CACNA1B: variants seen among roughly 807,000 people sequenced by gnomAD.
CACNA1B encodes voltage-dependent N-type calcium channel subunit alpha-1B.
Under a neutral mutation model 247.2 loss-of-function variants are expected in CACNA1B, and 70 were observed. The ratio of observed to expected loss-of-function variants is 0.28; its 90% confidence interval spans 0.23 to 0.35. The LOEUF is 0.35. Among genes scored for constraint, CACNA1B ranks in the 10% least tolerant of loss-of-function variants. The pLI is 1.00. For synonymous variants in CACNA1B, 1,231 were observed against 1,294.4 expected (o/e 0.95, Z 1.05); for missense variants, 2,367 against 3,197.4 (o/e 0.74, Z 6.26).
intron 36 of CACNA1B, among the ~76,000 whole-genome samples, chr9:138,079,814 G>A (rs1171371876): frequency 6.7e-6 from 1 of 149,372 alleles, no homozygotes; most frequent in East Asian, 2.0e-4. Flanking sequence ...GGTGGAGGTT[G>A]CAGTGAGCCA....
intron 39 of CACNA1B, among the ~76,000 whole-genome samples, chr9:138,111,616 G>A (rs1470433876): frequency 1.3e-5 from 2 of 152,248 alleles, no homozygotes; most frequent in East Asian, 1.9e-4. Context: ...ATGAAAAAGG[G>A]TGACTCTCAC....
chr9:138,122,031 A>AT lies in CACNA1B; in HGVS notation c.*32_*33insT. On this transcript the variant is annotated 3_prime_UTR_variant, in exon 47 of 47. Coordinates refer to ENST00000371372, the MANE Select transcript of CACNA1B (RefSeq NM_000718.4). ...CGTGACCGCTCAGACGCCTGCATGC[A>AT]GCAGGCGTGTGTTCCAGTGGATGAG... The AT allele has an allele frequency of 6.4e-7, 1 of 1,555,898 alleles. No homozygotes were observed. Among genetic ancestry groups the AT allele is most frequent in the Non-Finnish European group, 8.7e-7 (1 of 1,152,112 alleles).
chr9:138,050,190 C>A lies in CACNA1B; in HGVS notation c.3710+875C>A. ...GCCTCACCCCCCGCCCATCCACTTT[C>A]ACCCCATCGGGGCTGCATGCTGCCG... On this transcript the variant is annotated intron_variant, in intron 24 of 46. Coordinates refer to ENST00000371372, the MANE Select transcript of CACNA1B (RefSeq NM_000718.4). This position sits in a 1 kb window ranked among gnomAD's most constrained non-coding sequence, Gnocchi z 5.2. The A allele has an allele frequency of 1.2e-6, 1 of 866,578 alleles. No individual in the cohort carries two copies. The highest frequency in any genetic ancestry group is 1.7e-6 in the Non-Finnish European group (1 of 603,926). 53.7% of individuals were successfully genotyped at this position (866,578 alleles called of 1,614,324 possible).
rs190546993 is a variant in CACNA1B at position 138,070,273 on chromosome 9, A to G, written c.4674+510A>G. Among the ~76,000 whole-genome samples, 691 of 152,108 alleles carry G rather than the reference A, an allele frequency of 4.5e-3. 5 individuals are homozygous for G. Among genetic ancestry groups the G allele is most frequent in the African/African-American group, 0.015 (633 of 41,506 alleles). Reference sequence around the variant, plus strand: ...CCTTCCTGGACTGACCGTGCCTTGGAGTGGGCAGGGTCAGGCCTGGGGTTC... The same window carrying G: ...CCTTCCTGGACTGACCGTGCCTTGGGGTGGGCAGGGTCAGGCCTGGGGTTC... On this transcript the variant is annotated intron_variant, in intron 32 of 46. Transcript: ENST00000371372.
intron 6 of CACNA1B, among the ~76,000 whole-genome samples, chr9:137,947,593 G>T (rs891445974): frequency 1.3e-5 from 2 of 151,794 alleles, no homozygotes; most frequent in Non-Finnish European, 2.9e-5. Context: ...TCTGTTTAGA[G>T]ACCTTTCATT....
chr9:138,020,263 C>T lies in CACNA1B; in HGVS notation c.2268-2748C>T, dbSNP rs1000711354. ...AAGTCCTGTAGTTCCCCACAGCACCCAGCTGAGCATGGCTGAGCCCTCCTC... is the reference window on the plus strand; with the variant it reads ...AAGTCCTGTAGTTCCCCACAGCACCTAGCTGAGCATGGCTGAGCCCTCCTC... On this transcript the variant is annotated intron_variant, in intron 18 of 46. Coordinates refer to ENST00000371372, the MANE Select transcript of CACNA1B (RefSeq NM_000718.4). This position sits in a 1 kb window ranked among gnomAD's most constrained non-coding sequence, Gnocchi z 4.1. 7.2e-5 allele frequency among the ~76,000 whole-genome samples: 11 copies of T among 152,228 alleles called. No individual in the cohort carries two copies. Among genetic ancestry groups the T allele is most frequent in the African/African-American group, 2.7e-4 (11 of 41,452 alleles).
chr9:138,105,769 C>A lies in CACNA1B; in HGVS notation c.5390C>A (p.Ala1797Asp), dbSNP rs867452598. 3 of 1,564,882 alleles carry A rather than the reference C, an allele frequency of 1.9e-6. No individual in the cohort carries two copies. Among genetic ancestry groups the A allele is most frequent in the South Asian group, 2.4e-5 (2 of 84,762 alleles). ...MTVHFTSTLM[A>D]LIRTALEIKL... is the part of the protein sequence containing the mutation. ...GTTCACTTCACGTCCACGCTGATGG[C>A]CCTCATCCGGACGGCACTGGAGATC... The change falls in exon 39 of 47, where the codon GCC (alanine) becomes GAC (aspartate). Residue 1797 changes from alanine (A) to aspartate (D), a missense_variant. Around this residue, in one of 12 missense-constraint regions of CACNA1B, gnomAD observed 773 missense variants for 779.4 expected, o/e 0.99. Transcript: ENST00000371372.
intron 36 of CACNA1B, among the ~76,000 whole-genome samples, chr9:138,082,330 C>T (rs574415793): frequency 2.0e-5 from 3 of 151,400 alleles, no homozygotes; most frequent in South Asian, 4.2e-4. Flanking sequence ...AAGAATGATT[C>T]GCAAGTTGTG....
chr9:138,053,868 A>G lies in CACNA1B; in HGVS notation c.3830A>G (p.Asn1277Ser). The G allele has an allele frequency of 1.9e-6, 3 of 1,612,812 alleles. No homozygotes were observed. The highest frequency in any genetic ancestry group is 2.2e-5 in the South Asian group (2 of 91,036). ...KLKAVFDCVV[N>S]SLKNVLNILI... ...CAGGCTGTGTTTGACTGTGTGGTGA[A>G]CTCCCTGAAGAATGTCCTCAACATC... The change falls in exon 26 of 47, where the codon AAC becomes AGC. Residue 1277 changes from asparagine to serine, a missense_variant. Physicochemically the swap from Asn to Ser is conservative, Grantham distance 46. Coordinates refer to ENST00000371372, the MANE Select transcript of CACNA1B (RefSeq NM_000718.4).
intron 15 of CACNA1B, among the ~76,000 whole-genome samples, chr9:138,005,951 G>A (rs898593500): frequency 6.6e-6 from 1 of 151,260 alleles, no homozygotes; most frequent in Admixed American, 6.6e-5. Flanking sequence ...GCTGAGGCAG[G>A]AGAATGGCGT....
intron 37 of CACNA1B, among the ~76,000 whole-genome samples, chr9:138,099,731 G>A (rs879518551): frequency 6.6e-6 from 1 of 152,126 alleles, no homozygotes; most frequent in Non-Finnish European, 1.5e-5. Context: ...GTGTACACGT[G>A]CCTGTGGTGC....
At chr9:138,101,242 C>T (rs754209239) in intron 37 of CACNA1B, 2 of 503,958 alleles carry the variant, frequency 4.0e-6, no homozygotes, top group Admixed American at 2.2e-5. Flanking sequence ...CTTCCCTGCC[C>T]GAAACGCACA....
rs1393044720 is a variant in CACNA1B at position 138,057,956 on chromosome 9, T to C, written c.4106+87T>C. On this transcript the variant is annotated intron_variant, in intron 27 of 46. Transcript: ENST00000371372. The surrounding 1 kb of genome is among the most constrained non-coding windows in gnomAD (Gnocchi z 4.0). ...CTCCCTCTATCCCTGGGCTCAGGCATGGAAGCAGACCCACCCTTGTGGTGC... is the reference window on the plus strand; with the variant it reads ...CTCCCTCTATCCCTGGGCTCAGGCACGGAAGCAGACCCACCCTTGTGGTGC... 1 of 1,567,506 alleles carries C rather than the reference T, an allele frequency of 6.4e-7. No homozygotes were observed. Among genetic ancestry groups the C allele is most frequent in the African/African-American group, 1.4e-5 (1 of 73,990 alleles).
At position 137,955,841 on chromosome 9, in the gene CACNA1B, C is replaced by T. The variant is rs779052769; in HGVS notation, c.1186+28C>T. On this transcript the variant is annotated intron_variant, in intron 8 of 46. Transcript: ENST00000371372. This position sits in a 1 kb window ranked among gnomAD's most constrained non-coding sequence, Gnocchi z 6.9. ...GAGGGCCCGTGGGAGCCACTGCACT[C>T]CTGGCCGGCCACTGTTAGTTCTCTG... 1.5e-5 allele frequency: 21 copies of T among 1,412,624 alleles called. No individual in the cohort carries two copies. The highest frequency in any genetic ancestry group is 1.9e-5 in the Non-Finnish European group (19 of 1,013,112). 87.5% of individuals were successfully genotyped at this position (1,412,624 alleles called of 1,614,324 possible). A position where few individuals can be genotyped will look rare whatever the true frequency, so the allele number is the denominator to read the frequency against.
chr9:137,884,579 T>C (rs1300876768), intron 3 of CACNA1B, among the ~76,000 whole-genome samples: 2 of 146,770 alleles, frequency 1.4e-5, no homozygotes, highest in African/African-American at 5.1e-5. Flanking sequence ...AACGGTGCCT[T>C]ATTTTTTTCA....
Position 138,058,124 on chromosome 9 carries a change from C to G in CACNA1B, c.4182C>G (p.Ile1394Met). The G allele has an allele frequency of 1.2e-6, 2 of 1,613,880 alleles. No individual in the cohort carries two copies. The highest frequency in any genetic ancestry group is 1.7e-6 in the Non-Finnish European group (2 of 1,179,712). ...CTGGGTACCGCATGGAGCTGTCCAT[C>G]TTCTACGTGGTCTACTTTGTGGTCT... ...PSPGYRMELS[I>M]FYVVYFVVFP... Residue 1394 changes from isoleucine to methionine, a missense_variant, in exon 28 of 47, where the codon ATC (isoleucine) becomes ATG (methionine). This residue lies in a region of CACNA1B where 436 missense variants were observed against 679.5 expected (regional missense o/e 0.64). Transcript: ENST00000371372. This position sits in a 1 kb window ranked among gnomAD's most constrained non-coding sequence, Gnocchi z 4.7.
At position 137,957,663 on chromosome 9, in the gene CACNA1B, C is replaced by G; in HGVS notation, c.1309C>G (p.Arg437Gly). 1 of 1,601,090 alleles carries G rather than the reference C, an allele frequency of 6.2e-7. No individual in the cohort carries two copies. The highest frequency in any genetic ancestry group is 8.5e-7 in the Non-Finnish European group (1 of 1,173,962). The change falls in exon 10 of 47, where the codon CGG (arginine) becomes GGG (glycine). Residue 437 changes from arginine to glycine, a missense_variant. Coordinates refer to ENST00000371372, the MANE Select transcript of CACNA1B (RefSeq NM_000718.4). This position sits in a 1 kb window ranked among gnomAD's most constrained non-coding sequence, Gnocchi z 4.7. The stretch of plus-strand genomic sequence containing the variant: ...GATCCACGCAGAGGAGGGAGAGGAC[C>G]GGTTTGCAGATCTCTGTGCTGTTGG... ...DLIHAEEGEDRFADLCAVGSP... is the reference protein window; with the variant it reads ...DLIHAEEGEDGFADLCAVGSP...
chr9:137,948,674 G>C (rs1957826579), intron 6 of CACNA1B, among the ~76,000 whole-genome samples: 1 of 151,688 alleles, frequency 6.6e-6, no homozygotes, highest in African/African-American at 2.4e-5. Context: ...TGTTGTGTCT[G>C]GTGTGTGTGG....
Position 138,057,726 on chromosome 9 carries a change from TC to T in CACNA1B, c.3969-4del. 1 of 1,607,600 alleles carries T rather than the reference TC, an allele frequency of 6.2e-7. No individual in the cohort carries two copies. Among genetic ancestry groups the T allele is most frequent in the Non-Finnish European group, 8.5e-7 (1 of 1,174,970 alleles). On this transcript the variant is annotated splice_region_variant and splice_polypyrimidine_tract_variant and intron_variant, in intron 26 of 46. Transcript: ENST00000371372. The surrounding 1 kb of genome is among the most constrained non-coding windows in gnomAD (Gnocchi z 4.0). Reference sequence around the variant, plus strand: ...GCCCTCTAACCTCCCATGTTCTCATTCCTAGGGGTCAGTATTTGGATTATGA... The same window carrying T: ...GCCCTCTAACCTCCCATGTTCTCATTCTAGGGGTCAGTATTTGGATTATGA...
Sources: gnomAD v4.1 joint callset for allele counts (sites outside exome capture counted in the v4.1 genomes callset) on GRCh38, gnomAD v4.1.1 for gene constraint, gnomAD v4.1.1 regional missense constraint, Gnocchi (gnomAD v3.1) non-coding constraint, MANE v1.5 for transcripts, NCBI Gene and HGNC (gene_info 2026-07-23, HGNC 2026-07-21) for gene names.